The following DDX43 variants were observed in gnomAD, a reference collection of about 807,000 sequenced individuals.
DDX43 encodes the protein DEAD-box helicase 43.
Under a neutral mutation model 84.9 loss-of-function variants are expected in DDX43, and 50 were observed. The ratio of observed to expected loss-of-function variants is 0.59; its 90% CI spans 0.47 to 0.75. DDX43 has a LOEUF of 0.75. Ranked by LOEUF, DDX43 falls within the 30% of genes least tolerant of loss-of-function variation. The pLI is 0.00. For synonymous variants in DDX43, 291 were observed against 266.3 expected (o/e 1.09, Z -0.90); for missense variants, 689 against 798.6 (o/e 0.86, Z 1.65).
chr6:73,414,804 C>T (rs1318439955), intron 14 of DDX43, 118 bp downstream of exon 14: 1 of 904,794 alleles, frequency 1.1e-6, no homozygotes, highest in Non-Finnish European at 1.7e-6. Context: ...AGCTACTTCC[C>T]AGATTATACT....
chr6:73,406,364 T>G lies in DDX43; in HGVS notation c.808T>G (p.Ser270Ala). The change falls in exon 7 of 17, where the codon TCA (serine) becomes GCA (alanine). Residue 270 changes from serine to alanine, a missense_variant and splice_region_variant. Ser to Ala is a moderately conservative substitution (Grantham distance 99). Around this residue, in one of 2 missense-constraint regions of DDX43, gnomAD observed 552 missense variants for 692.7 expected, o/e 0.80. Transcript: ENST00000370336. Reference sequence around the variant, plus strand: ...GTTAATGTTTATCATTCCGTTTCAGTCACAGGCATGGCCCATTGTGTTGCA... The same window carrying G: ...GTTAATGTTTATCATTCCGTTTCAGGCACAGGCATGGCCCATTGTGTTGCA... ...AGFQKPTPIQ[S>A]QAWPIVLQGI... is the part of the protein sequence containing the mutation. 6.3e-7 allele frequency: 1 copy of G among 1,599,128 alleles called. No individual in the cohort carries two copies. Among genetic ancestry groups the G allele is most frequent in the Non-Finnish European group, 8.6e-7 (1 of 1,167,986 alleles).
At chr6:73,406,604 T>C (rs1438746980) in intron 7 of DDX43, 122 bp downstream of exon 7, 3 of 626,450 alleles carry the variant, frequency 4.8e-6, no homozygotes, top group Non-Finnish European at 8.3e-6. Flanking sequence ...TCAGAGAAGA[T>C]GCAAGGAATT....
chr6:73,407,249 C>T (rs1031534087), intron 7 of DDX43, among the ~76,000 whole-genome samples: 2 of 152,258 alleles, frequency 1.3e-5, no homozygotes, highest in South Asian at 4.1e-4. Flanking sequence ...TCCCAAGTAG[C>T]TGGGATTACA....
chr6:73,414,742 TCA>T, intron 14 of DDX43, 56 bp downstream of exon 14: 1 of 1,495,292 alleles, frequency 6.7e-7, no homozygotes, highest in Non-Finnish European at 9.0e-7. Context: ...CTTATTCCTC[TCA>T]CAAACTTCTT....
At chr6:73,406,124 A>G (rs1487182548) in intron 6 of DDX43, among the ~76,000 whole-genome samples, 5 of 151,970 alleles carry the variant, frequency 3.3e-5, no homozygotes, top group Admixed American at 3.3e-4. Context: ...CCCAGGTTCA[A>G]GCAAGTCTCC....
chr6:73,409,335 A>G lies in DDX43; in HGVS notation c.1267A>G (p.Thr423Ala), dbSNP rs1429375243. 23 of 1,613,410 alleles carry G rather than the reference A, an allele frequency of 1.4e-5. No individual in the cohort carries two copies. The highest frequency in any genetic ancestry group is 2.0e-5 in the Non-Finnish European group (23 of 1,179,458). Residue 423 changes from threonine to alanine, a missense_variant, in exon 10 of 17, where the codon ACA becomes GCA. Physicochemically the swap from Thr to Ala is moderately conservative, Grantham distance 58. Coordinates refer to ENST00000370336, the MANE Select transcript of DDX43 (RefSeq NM_018665.3). ...GTTAGATGTGCGCCCAGATAGGCAG[A>G]CAGTTATGACCAGGTACGTATATGC... ...ILLDVRPDRQTVMTSATWPHS... is the reference protein window; with the variant it reads ...ILLDVRPDRQAVMTSATWPHS...
chr6:73,415,649 C>A, intron 15 of DDX43, 65 bp downstream of exon 15: 1 of 1,118,044 alleles, frequency 8.9e-7, no homozygotes, highest in Non-Finnish European at 1.3e-6. Context: ...ATGCCGGGTA[C>A]TATGGCTTGC....
At chr6:73,405,927 T>G (rs1183903994) in intron 6 of DDX43, 92 bp downstream of exon 6, 2 of 1,196,756 alleles carry the variant, frequency 1.7e-6, no homozygotes, top group Non-Finnish European at 2.3e-6. Context: ...AGCAACTGTC[T>G]TAGCATTCCA....
chr6:73,409,088 A>G (rs987263939), intron 9 of DDX43, among the ~76,000 whole-genome samples, 160 bp from the exon 10 acceptor site: 1 of 152,220 alleles, frequency 6.6e-6, no homozygotes, highest in Non-Finnish European at 1.5e-5. Flanking sequence ...TACAATGACA[A>G]ATTGCTTAGT....
intron 5 of DDX43, 148 bp downstream of exon 5, chr6:73,404,919 T>C (rs745905596): frequency 1.6e-5 from 11 of 702,936 alleles, no homozygotes; most frequent in African/African-American, 1.5e-4. Flanking sequence ...TTTTAGAACA[T>C]TGTTGTCTAG....
rs774010334 is a variant in DDX43 at position 73,406,444 on chromosome 6, T to C, written c.888T>C (p.Tyr296=). 3.4e-5 allele frequency: 55 copies of C among 1,613,350 alleles called. 2 individuals are homozygous for C. In the Admixed American group the frequency reaches 8.8e-4, roughly 26 times the overall value. ...AQTGTGKTLC[Y]LMPGFIHLVL... is the part of the protein sequence containing the mutation. ...CTGGAACAGGAAAGACATTGTGTTA[T>C]TTAATGCCTGGATTTATTCATCTGG... Residue 296 remains tyrosine, a synonymous_variant, in exon 7 of 17, where the codon TAT becomes TAC. Coordinates refer to ENST00000370336, the MANE Select transcript of DDX43 (RefSeq NM_018665.3).
At chr6:73,397,132 A>G (rs1769487982) in intron 1 of DDX43, among the ~76,000 whole-genome samples, 1 of 152,184 alleles carries the variant, frequency 6.6e-6, no homozygotes. Flanking sequence ...GTTAATCTAT[A>G]CTGTTTTCCA....
Position 73,412,206 on chromosome 6 carries a change from GCTACATGGC to G in DDX43, c.1285_1293del (p.Thr429_Pro431del), listed in dbSNP as rs1235586962. ...AATGTTTGTAACTTGTATTCCCAGTGCTACATGGCCTCATTCAGTTCATCGCCTCGCACA... is the reference window on the plus strand; with the variant it reads ...AATGTTTGTAACTTGTATTCCCAGTGCTCATTCAGTTCATCGCCTCGCACA... On this transcript the variant is annotated inframe_deletion and splice_region_variant, in exon 11 of 17. Transcript: ENST00000370336. The G allele has an allele frequency of 6.2e-7, 1 of 1,610,474 alleles. No homozygotes were observed. Among genetic ancestry groups the G allele is most frequent in the Non-Finnish European group, 8.5e-7 (1 of 1,178,578 alleles).
At chr6:73,410,953 G>A (rs1360178649) in intron 10 of DDX43, among the ~76,000 whole-genome samples, 3 of 151,870 alleles carry the variant, frequency 2.0e-5, no homozygotes, top group Non-Finnish European at 2.9e-5. Flanking sequence ...TTGGGAGGCC[G>A]AGACGAGCGA....
At chr6:73,400,213 T>C in intron 2 of DDX43, 21 bp from the exon 3 acceptor site, 2 of 1,556,948 alleles carry the variant, frequency 1.3e-6, no homozygotes, top group Non-Finnish European at 1.7e-6. Flanking sequence ...AAGTCTCACC[T>C]CTTTTTCCCC....
chr6:73,414,105 TAC>T, intron 13 of DDX43, 26 bp downstream of exon 13: 1 of 1,426,594 alleles, frequency 7.0e-7, no homozygotes, highest in Non-Finnish European at 9.9e-7. Context: ...TAGTATTTCA[TAC>T]AGTTTAAAAT....
intron 8 of DDX43, 93 bp downstream of exon 8, chr6:73,407,708 A>G: frequency 1.0e-6 from 1 of 993,868 alleles, no homozygotes; most frequent in South Asian, 1.5e-5. Flanking sequence ...ACACATTCAG[A>G]GAATCCAAAT....
chr6:73,412,306 T>A lies in DDX43; in HGVS notation c.1368+14T>A, dbSNP rs368642768. The A allele has an allele frequency of 8.1e-5, 129 of 1,594,718 alleles. No individual in the cohort carries two copies. The highest frequency in any genetic ancestry group is 1.7e-4 in the Middle Eastern group (1 of 5,780). On this transcript the variant is annotated intron_variant, in intron 11 of 16. Transcript: ENST00000370336. ...TTGGATCTAGTTGTAAGCTTTTTTT[T>A]ATTACTATTGTTTAACATTTCTTAT...
chr6:73,414,538 T>C lies in DDX43; in HGVS notation c.1607-10T>C. 2 of 1,608,772 alleles carry C rather than the reference T, an allele frequency of 1.2e-6. No homozygotes were observed. Among genetic ancestry groups the C allele is most frequent in the South Asian group, 2.2e-5 (2 of 90,192 alleles). On this transcript the variant is annotated splice_polypyrimidine_tract_variant and intron_variant, in intron 13 of 16. Transcript: ENST00000370336. Reference sequence around the variant, plus strand: ...GAATGGTTCAGTGTTCATTTGGCTTTACTTTTTAGGCAAAGTGAGAATACT... The same window carrying C: ...GAATGGTTCAGTGTTCATTTGGCTTCACTTTTTAGGCAAAGTGAGAATACT...
Sources: gnomAD v4.1 joint callset for allele counts (sites outside exome capture counted in the v4.1 genomes callset) on GRCh38, gnomAD v4.1.1 for gene constraint, gnomAD v4.1.1 regional missense constraint, MANE v1.5 for transcripts, NCBI Gene and HGNC (gene_info 2026-07-23, HGNC 2026-07-21) for gene names.